Variants in POLR1D observed in about 807,000 individuals in gnomAD.
POLR1D encodes the protein DNA-directed RNA polymerases I and III subunit RPAC2.
Under a neutral mutation model 10.8 loss-of-function variants are expected in POLR1D, and 8 were observed. That is an observed-to-expected ratio of 0.74 (90% CI 0.43 to 1.33). POLR1D has a LOEUF of 1.33. Ranked by LOEUF, POLR1D falls within the 40% of genes most tolerant of loss-of-function variation. The probability of loss-of-function intolerance (pLI) is 0.01; values close to 1 mark genes in which losing one functional copy is unlikely to be tolerated. For synonymous variants in POLR1D, 54 were observed against 57.2 expected (o/e 0.94, Z 0.25); for missense variants, 152 against 161.7 (o/e 0.94, Z 0.32).
At chr13:27,650,210 T>C in intron 2 of POLR1D, 2 of 395,460 alleles carry the variant, frequency 5.1e-6, no homozygotes, top group Non-Finnish European at 8.9e-6. Context: ...CGGCTCAGCA[T>C]TCAAAGTTTT....
chr13:27,624,830 A>G (rs1167288310), downstream of POLR1D, among the ~76,000 whole-genome samples: 1 of 152,142 alleles, frequency 6.6e-6, no homozygotes, highest in Non-Finnish European at 1.5e-5. Context: ...TGAGGCTGCA[A>G]TGAGCCATGA....
chr13:27,655,430 A>T (rs542903398), intron 2 of POLR1D, among the ~76,000 whole-genome samples: 223 of 152,310 alleles, frequency 1.5e-3, no homozygotes, highest in Middle Eastern at 3.4e-3. Flanking sequence ...CTAACATCCC[A>T]AAAATGTCTT....
intron 2 of POLR1D, among the ~76,000 whole-genome samples, chr13:27,659,939 C>T (rs1456215503): frequency 1.1e-4 from 16 of 148,944 alleles, no homozygotes; most frequent in Middle Eastern, 3.4e-3. Context: ...CACACATACA[C>T]ACACACACAT....
intron 1 of POLR1D, among the ~76,000 whole-genome samples, chr13:27,641,013 G>A (rs908746636): frequency 6.6e-6 from 1 of 151,784 alleles, no homozygotes; most frequent in African/African-American, 2.4e-5. Context: ...CTCTTATTCC[G>A]TATTGGTTTT....
intron 2 of POLR1D, chr13:27,665,503 C>G: frequency 1.6e-6 from 1 of 624,554 alleles, no homozygotes; most frequent in Non-Finnish European, 2.8e-6. Context: ...GAATTCCAAT[C>G]GTCTTTTTTT....
At chr13:27,641,000 T>A (rs1199150392) in intron 1 of POLR1D, among the ~76,000 whole-genome samples, 1 of 152,196 alleles carries the variant, frequency 6.6e-6, no homozygotes, top group Admixed American at 6.5e-5. Flanking sequence ...TCTAAGTAAA[T>A]AGCTCTTATT....
At chr13:27,626,897 G>C (rs184662926), downstream of POLR1D, among the ~76,000 whole-genome samples, 7 of 152,286 alleles carry the variant, frequency 4.6e-5, no homozygotes, top group East Asian at 1.9e-4. Flanking sequence ...ACAGAATCTC[G>C]AGAGATGGAA....
intron 2 of POLR1D, among the ~76,000 whole-genome samples, chr13:27,659,502 A>T (rs1403542380): frequency 6.6e-6 from 1 of 152,150 alleles, no homozygotes; most frequent in East Asian, 1.9e-4. Flanking sequence ...TGCTGATGGG[A>T]CTATAACTTT....
intron 2 of POLR1D, chr13:27,648,520 A>T (rs1956240036): frequency 2.0e-6 from 2 of 999,754 alleles, no homozygotes; most frequent in African/African-American, 3.2e-5. Context: ...ATAAATATGT[A>T]AATCTTTAGC....
intron 1 of POLR1D, among the ~76,000 whole-genome samples, chr13:27,635,682 T>C (rs1290072629): frequency 7.2e-5 from 10 of 139,648 alleles, no homozygotes; most frequent in Admixed American, 7.0e-4. Flanking sequence ...CAGTGCTCTA[T>C]AGTTACAAAG....
chr13:27,664,672 C>T (rs1355704303), intron 2 of POLR1D: 2 of 152,228 alleles, frequency 1.3e-5, no homozygotes, highest in Admixed American at 1.3e-4. Flanking sequence ...ACTGCTTATA[C>T]TTCACCTGTA....
At chr13:27,650,196 T>C (rs781339150) in intron 2 of POLR1D, 20 of 394,366 alleles carry the variant, frequency 5.1e-5, no homozygotes, top group Admixed American at 2.2e-4. Context: ...AGGAAGCTCA[T>C]CTGCGGCTCA....
At chr13:27,631,950 G>A (rs1269177313) in intron 1 of POLR1D, among the ~76,000 whole-genome samples, 1 of 152,192 alleles carries the variant, frequency 6.6e-6, no homozygotes, top group African/African-American at 2.4e-5. Flanking sequence ...AAATTATTGA[G>A]TGGGACAAGG....
intron 1 of POLR1D, among the ~76,000 whole-genome samples, chr13:27,646,639 A>T (rs1288898342): frequency 1.3e-5 from 2 of 152,262 alleles, no homozygotes; most frequent in Non-Finnish European, 2.9e-5. Flanking sequence ...CATCTTTTAA[A>T]GATCTCAATA....
intron 1 of POLR1D, among the ~76,000 whole-genome samples, chr13:27,642,183 A>C (rs1281098508): frequency 6.6e-6 from 1 of 152,256 alleles, no homozygotes; most frequent in Non-Finnish European, 1.5e-5. Context: ...ATCTCTGATC[A>C]GTAGCTCACT....
Position 27,623,252 on chromosome 13 carries a change from C to A in POLR1D, c.*2C>A. The A allele has an allele frequency of 6.2e-7, 1 of 1,613,542 alleles. No homozygotes were observed. Among genetic ancestry groups the A allele is most frequent in the South Asian group, 1.1e-5 (1 of 90,740 alleles). The stretch of plus-strand genomic sequence containing the variant: ...AGCAGAAATGAATCCACATTCTAGT[C>A]CTTTATGCAGTATACAAGGAGAACT... On this transcript the variant is annotated 3_prime_UTR_variant, in exon 2 of 2. Transcript: ENST00000302979.
chr13:27,642,653 T>G (rs571097413), intron 1 of POLR1D, among the ~76,000 whole-genome samples: 3 of 152,258 alleles, frequency 2.0e-5, no homozygotes, highest in African/African-American at 4.8e-5. Flanking sequence ...ACCATGTATG[T>G]GCCAGGCATA....
Position 27,659,435 on chromosome 13 carries a change from T to G in POLR1D, c.102-6251T>G, listed in dbSNP as rs148826867. On this transcript the variant is annotated intron_variant, in intron 2 of 2. Transcript: ENST00000399697. ...TTTCAGGCCACAGAGATCCAAAGCC[T>G]TTATACGTATAGAACATGAAACCCA... Among the ~76,000 whole-genome samples, 13 of 152,308 alleles carry G rather than the reference T, an allele frequency of 8.5e-5. No individual in the cohort carries two copies. In the East Asian group the frequency reaches 2.3e-3, roughly 27 times the overall value.
At chr13:27,634,431 A>G (rs1956102894) in intron 1 of POLR1D, among the ~76,000 whole-genome samples, 1 of 152,214 alleles carries the variant, frequency 6.6e-6, no homozygotes, top group African/African-American at 2.4e-5. Context: ...TGAGGAAGCC[A>G]ACTAGACTTA....
Sources: allele counts gnomAD v4.1 joint callset (sites outside exome capture counted in the v4.1 genomes callset), GRCh38; gene constraint gnomAD v4.1.1; transcripts MANE v1.5; gene names NCBI Gene and HGNC (gene_info 2026-07-23, HGNC 2026-07-21).